GAB1: variants seen among roughly 807,000 people sequenced by gnomAD.
The protein encoded by GAB1 is GRB2-associated-binding protein 1.
Under a neutral mutation model 66.5 loss-of-function variants are expected in GAB1, and 19 were observed. The observed-to-expected ratio is 0.29, with a 90% CI of 0.20 to 0.42. GAB1 has a LOEUF of 0.42. GAB1 is among the 10% of genes least tolerant of loss of function. GAB1 has a pLI of 1.00. For synonymous variants in GAB1, 294 were observed against 301.4 expected (o/e 0.98, Z 0.25); for missense variants, 732 against 858.5 (o/e 0.85, Z 1.84).
intron 6 of GAB1, among the ~76,000 whole-genome samples, chr4:143,443,562 A>C (rs1238174497): frequency 1.3e-5 from 2 of 152,248 alleles, no homozygotes; most frequent in Non-Finnish European, 2.9e-5. Flanking sequence ...CTCAGTATTC[A>C]TAGCATCAGA....
At chr4:143,408,862 T>G (rs1732208322) in intron 1 of GAB1, among the ~76,000 whole-genome samples, 1 of 152,200 alleles carries the variant, frequency 6.6e-6, no homozygotes, top group Non-Finnish European at 1.5e-5. Context: ...AAAATTCCGC[T>G]CTACTTTTTT....
intron 6 of GAB1, among the ~76,000 whole-genome samples, chr4:143,445,228 C>T (rs985980187): frequency 1.3e-5 from 2 of 152,158 alleles, no homozygotes; most frequent in Non-Finnish European, 2.9e-5. Context: ...TAAGCATTCC[C>T]TTTTCTTCAC....
chr4:143,434,260 G>A (rs1733826417), intron 3 of GAB1: 1 of 448,160 alleles, frequency 2.2e-6, no homozygotes, highest in South Asian at 2.7e-5. Flanking sequence ...ATACAAATTG[G>A]ATGTTAGTGA....
At chr4:143,464,687 C>T (rs1578759218) in intron 8 of GAB1, among the ~76,000 whole-genome samples, 1 of 152,156 alleles carries the variant, frequency 6.6e-6, no homozygotes, top group Non-Finnish European at 1.5e-5. Context: ...CTATGTGCTG[C>T]TCACCAAGCT....
intron 3 of GAB1, chr4:143,434,209 A>T: frequency 9.6e-7 from 1 of 1,038,746 alleles, no homozygotes. Context: ...GTGAGAAATT[A>T]ATCATAAGGT....
intron 1 of GAB1, among the ~76,000 whole-genome samples, chr4:143,389,328 T>C (rs1385774319): frequency 6.6e-6 from 1 of 152,224 alleles, no homozygotes; most frequent in Non-Finnish European, 1.5e-5. Flanking sequence ...AATTAAAACC[T>C]AGTGAGATTG....
intron 2 of GAB1, among the ~76,000 whole-genome samples, chr4:143,427,947 C>A (rs994517920): frequency 8.5e-5 from 13 of 152,288 alleles, no homozygotes; most frequent in African/African-American, 3.1e-4. Context: ...ATCCCCAATT[C>A]CCAGCAACCT....
intron 1 of GAB1, among the ~76,000 whole-genome samples, chr4:143,369,570 G>C (rs183856494): frequency 6.8e-4 from 103 of 152,270 alleles, no homozygotes; most frequent in African/African-American, 2.4e-3. Flanking sequence ...AAGTTTTGTG[G>C]TGTTTGCTGT....
At chr4:143,375,357 A>G (rs1211907732) in intron 1 of GAB1, among the ~76,000 whole-genome samples, 1 of 152,238 alleles carries the variant, frequency 6.6e-6, no homozygotes, top group Non-Finnish European at 1.5e-5. Flanking sequence ...TGCAGTTTTT[A>G]TACCTAACGG....
chr4:143,378,486 A>G (rs1004695052), intron 1 of GAB1, among the ~76,000 whole-genome samples: 2 of 152,148 alleles, frequency 1.3e-5, no homozygotes, highest in African/African-American at 4.8e-5. Context: ...ACACTCATAT[A>G]TTAGTAACAA....
At chr4:143,343,380 G>T (rs1276601340) in intron 1 of GAB1, 1 of 154,138 alleles carries the variant, frequency 6.5e-6, no homozygotes, top group Non-Finnish European at 1.5e-5. Context: ...GTTTTTAACT[G>T]AAGGCAGACC....
chr4:143,410,613 A>T (rs1013112718), intron 1 of GAB1, among the ~76,000 whole-genome samples: 3 of 152,224 alleles, frequency 2.0e-5, no homozygotes, highest in African/African-American at 7.2e-5. Flanking sequence ...AATACAGGAA[A>T]TGTTTAAAAG....
intron 1 of GAB1, among the ~76,000 whole-genome samples, chr4:143,363,495 A>G (rs1466164873): frequency 3.9e-5 from 6 of 152,344 alleles, no homozygotes; most frequent in South Asian, 4.1e-4. Context: ...AAACCTGAAT[A>G]GGAACCTGTT....
chr4:143,404,320 C>T (rs1326294125), intron 1 of GAB1, among the ~76,000 whole-genome samples: 1 of 152,152 alleles, frequency 6.6e-6, no homozygotes, highest in Non-Finnish European at 1.5e-5. Context: ...CTTTCCTAAT[C>T]ATGACAATAA....
chr4:143,395,779 T>C (rs531664592), intron 1 of GAB1: 41 of 406,104 alleles, frequency 1.0e-4, no homozygotes, highest in African/African-American at 6.4e-4. Context: ...GCTGTGCCCC[T>C]TCTTTTAAAG....
chr4:143,354,475 G>A (rs547753860), intron 1 of GAB1, among the ~76,000 whole-genome samples: 1 of 151,976 alleles, frequency 6.6e-6, no homozygotes, highest in South Asian at 2.1e-4. Context: ...TTCAGTGGGG[G>A]TATTTTAACT....
At chr4:143,450,305 C>T (rs1734847179) in intron 6 of GAB1, among the ~76,000 whole-genome samples, 2 of 152,044 alleles carry the variant, frequency 1.3e-5, no homozygotes, top group African/African-American at 2.4e-5. Flanking sequence ...TTTACTCTTT[C>T]TTGATTTTGG....
At chr4:143,421,841 A>G (rs1479445952) in intron 2 of GAB1, among the ~76,000 whole-genome samples, 1 of 151,938 alleles carries the variant, frequency 6.6e-6, no homozygotes, top group Non-Finnish European at 1.5e-5. Flanking sequence ...GATAAGAATT[A>G]TGGCATTTGT....
chr4:143,444,448 A>C lies in GAB1; in HGVS notation c.1585+4066A>C, dbSNP rs563076655. On this transcript the variant is annotated intron_variant, in intron 6 of 9. Transcript: ENST00000262994. ...AAAGTACCTTCAAGCTTAGATCCTT[A>C]ATATTGTGTGGGGAGCATACAGAAG... 6.6e-5 allele frequency among the ~76,000 whole-genome samples: 10 copies of C among 152,174 alleles called. No homozygotes were observed. In the South Asian group the frequency reaches 2.1e-3, roughly 32 times the overall value.
Sources: allele counts gnomAD v4.1 joint callset (sites outside exome capture counted in the v4.1 genomes callset), GRCh38; gene constraint gnomAD v4.1.1; transcripts MANE v1.5; gene names NCBI Gene and HGNC (gene_info 2026-07-23, HGNC 2026-07-21).